The following DMD variants were observed in gnomAD, a reference collection of about 807,000 sequenced individuals.
DMD encodes dystrophin, also known as mutant dystrophin.
Under a neutral mutation model 330.1 loss-of-function variants are expected in DMD, and 63 were observed. The observed-to-expected ratio is 0.19, with a 90% CI of 0.16 to 0.24. The LOEUF (loss-of-function observed/expected upper bound fraction) is 0.24. DMD is among the 10% of genes least tolerant of loss of function. The pLI is 1.00. For missense variants in DMD, 3,344 were observed against 2,684.1 expected (o/e 1.25, Z -5.43); for synonymous variants, 1,223 against 959.8 (o/e 1.27, Z -5.07).
intron 1 of DMD, among the ~76,000 whole-genome samples, chrX:33,052,056 C>G (rs1041931502): frequency 9.0e-6 from 1 of 111,313 alleles, no homozygotes; most frequent in African/African-American, 3.3e-5. Flanking sequence ...TTTGGAGACC[C>G]AGAATTTCAC....
At chrX:32,399,985 C>T (rs1435759107) in intron 30 of DMD, among the ~76,000 whole-genome samples, 1 of 111,431 alleles carries the variant, frequency 9.0e-6, no homozygotes, top group Non-Finnish European at 1.9e-5. Flanking sequence ...CCAGAACTTC[C>T]AACACTATGT....
Position 31,444,605 on chromosome X carries a change from G to C in DMD, c.8960C>G (p.Pro2987Arg). The C allele has an allele frequency of 8.3e-7, 1 of 1,211,567 alleles. No individual in the cohort carries two copies. Among genetic ancestry groups the C allele is most frequent in the Non-Finnish European group, 1.1e-6 (1 of 895,461 alleles). Residue 2987 changes from proline (P) to arginine (R), a missense_variant, in exon 60 of 79, where the codon CCT becomes CGT. Coordinates refer to ENST00000357033, the MANE Select transcript of DMD (RefSeq NM_004006.3). ...GACGTGGCTCACGTTCTCTTTCAGA[G>C]GCGCAATTTCTCCTCGAAGTGCCTG... Reference protein sequence around the residue: ...KVKALRGEIAPLKENVSHVND... With the variant: ...KVKALRGEIARLKENVSHVND...
At chrX:32,479,405 T>C (rs967734903) in intron 21 of DMD, among the ~76,000 whole-genome samples, 6 of 111,342 alleles carry the variant, frequency 5.4e-5, no homozygotes, top group Admixed American at 2.9e-4. Context: ...AAACTTTCTA[T>C]CATTTGATCA....
At chrX:31,864,109 A>C (rs2093757219) in intron 48 of DMD, among the ~76,000 whole-genome samples, 2 of 111,351 alleles carry the variant, frequency 1.8e-5, no homozygotes, top group East Asian at 2.8e-4. Context: ...TGTCATCTTT[A>C]AAATGTGCAA....
At chrX:31,531,636 C>T (rs1327760992) in intron 55 of DMD, among the ~76,000 whole-genome samples, 1 of 104,872 alleles carries the variant, frequency 9.5e-6, no homozygotes, top group Non-Finnish European at 1.9e-5. Context: ...TGCCTGTTCA[C>T]TCTGATGGTA....
chrX:32,878,361 G>C (rs761843593), intron 2 of DMD, among the ~76,000 whole-genome samples: 1 of 111,491 alleles, frequency 9.0e-6, no homozygotes, highest in Non-Finnish European at 1.9e-5. Context: ...CTGGGCGACA[G>C]AGTGAGACTA....
chrX:31,639,054 T>C (rs1603433578), intron 54 of DMD, among the ~76,000 whole-genome samples: 1 of 112,164 alleles, frequency 8.9e-6, no homozygotes, highest in African/African-American at 3.2e-5. Flanking sequence ...TAATTTCATT[T>C]AGTCTTGTAA....
intron 2 of DMD, among the ~76,000 whole-genome samples, chrX:32,918,943 C>T (rs1205077757): frequency 8.9e-6 from 1 of 111,854 alleles, no homozygotes; most frequent in Non-Finnish European, 1.9e-5. Flanking sequence ...AAATGTATCA[C>T]GGCAAAGATC....
intron 7 of DMD, among the ~76,000 whole-genome samples, chrX:32,766,038 ATATTC>A (rs767390699): frequency 2.7e-5 from 3 of 111,936 alleles, no homozygotes; most frequent in African/African-American, 6.5e-5. Flanking sequence ...CAGGGCTATT[ATATTC>A]TATTGTTCTA....
intron 1 of DMD, among the ~76,000 whole-genome samples, chrX:33,037,403 T>C (rs889014917): frequency 9.0e-6 from 1 of 111,241 alleles, no homozygotes; most frequent in African/African-American, 3.3e-5. Context: ...TAGTACTTAA[T>C]TGGTATTTAT....
intron 17 of DMD, among the ~76,000 whole-genome samples, chrX:32,518,605 C>T (rs1188372653): frequency 9.0e-6 from 1 of 111,077 alleles, no homozygotes; most frequent in East Asian, 2.8e-4. Context: ...AAGAGTACTG[C>T]AAGTAAGGTT....
chrX:32,396,591 C>T (rs941389997), intron 30 of DMD, among the ~76,000 whole-genome samples: 4 of 109,245 alleles, frequency 3.7e-5, no homozygotes, highest in African/African-American at 6.6e-5. Context: ...TCATACAACA[C>T]TTTGTAGATG....
chrX:32,093,015 C>T (rs2249475), intron 44 of DMD, among the ~76,000 whole-genome samples: 13,872 of 110,408 alleles, frequency 0.13, 662 homozygotes, highest in East Asian at 0.22. Context: ...TGTACTATCA[C>T]CACTACTTAA....
chrX:31,207,837 T>C (rs962726760), intron 65 of DMD, among the ~76,000 whole-genome samples: 1 of 110,810 alleles, frequency 9.0e-6, no homozygotes, highest in Non-Finnish European at 1.9e-5. Context: ...GGCGATGACC[T>C]TGAGCAGTAG....
intron 63 of DMD, among the ~76,000 whole-genome samples, chrX:31,245,775 TCAA>T (rs2048771328): frequency 1.8e-5 from 2 of 111,751 alleles, no homozygotes; most frequent in South Asian, 3.8e-4. Context: ...ACTTAATTGA[TCAA>T]CGTCATACGT....
At chrX:32,268,830 A>G (rs751816134) in intron 43 of DMD, among the ~76,000 whole-genome samples, 1 of 111,125 alleles carries the variant, frequency 9.0e-6, no homozygotes, top group East Asian at 2.9e-4. Context: ...GAGTGAGTGT[A>G]ATGGGATACA....
At chrX:31,504,668 T>C (rs1212261284) in intron 56 of DMD, among the ~76,000 whole-genome samples, 1 of 112,015 alleles carries the variant, frequency 8.9e-6, no homozygotes, top group Non-Finnish European at 1.9e-5. Context: ...TTCATAATCA[T>C]CCCTAATTAC....
chrX:32,423,131 A>G (rs1351300190), intron 29 of DMD, among the ~76,000 whole-genome samples: 2 of 110,543 alleles, frequency 1.8e-5, no homozygotes, highest in African/African-American at 6.5e-5. Context: ...ATCAATCCAT[A>G]CTACTGATTT....
chrX:32,599,623 C>T (rs1362253738), intron 12 of DMD, among the ~76,000 whole-genome samples: 2 of 107,878 alleles, frequency 1.9e-5, no homozygotes, highest in Admixed American at 2.0e-4. Context: ...GAGAAGTACA[C>T]AAAAATGTTT....
Sources: gnomAD v4.1 joint callset for allele counts (sites outside exome capture counted in the v4.1 genomes callset) on GRCh38, gnomAD v4.1.1 for gene constraint, MANE v1.5 for transcripts, NCBI Gene and HGNC (gene_info 2026-07-23, HGNC 2026-07-21) for gene names.